ANKRD31: variants seen among roughly 807,000 people sequenced by gnomAD.
The protein encoded by ANKRD31 is ankyrin repeat domain 31.
ANKRD31 carries 147 observed loss-of-function variants against 186.0 expected under a neutral mutation model. The observed-to-expected ratio is 0.79, with a 90% CI of 0.69 to 0.91. ANKRD31 has a LOEUF of 0.91. ANKRD31 is among the 40% of genes least tolerant of loss of function. The pLI, the probability that ANKRD31 is intolerant of heterozygous loss-of-function variation, is 0.00. For synonymous variants in ANKRD31, 673 were observed against 736.4 expected (o/e 0.91, Z 1.39); for missense variants, 1,986 against 2,148.8 (o/e 0.92, Z 1.50).
intron 11 of ANKRD31, among the ~76,000 whole-genome samples, chr5:75,163,638 C>A (rs536099460): frequency 1.3e-5 from 2 of 152,142 alleles, no homozygotes; most frequent in South Asian, 4.1e-4. Context: ...TCTGATTTTT[C>A]GGTTAGGGAT....
intron 22 of ANKRD31, among the ~76,000 whole-genome samples, chr5:75,098,202 C>T (rs1025108348): frequency 4.6e-5 from 7 of 151,930 alleles, no homozygotes; most frequent in Non-Finnish European, 8.8e-5. Context: ...ACTGTGTTAG[C>T]CAGGATGGTC....
chr5:75,187,150 T>G (rs1320032163), intron 10 of ANKRD31, among the ~76,000 whole-genome samples: 2 of 91,688 alleles, frequency 2.2e-5, no homozygotes, highest in Non-Finnish European at 4.1e-5. Context: ...GTGTGTGTGT[T>G]TTGGGAGGTG....
intron 24 of ANKRD31, among the ~76,000 whole-genome samples, chr5:75,081,802 C>A (rs1200558692): frequency 6.6e-6 from 1 of 151,972 alleles, no homozygotes; most frequent in Non-Finnish European, 1.5e-5. Flanking sequence ...ATTCCAATTC[C>A]ACCCTCAGGA....
rs377155111 is a variant in ANKRD31 at position 75,146,230 on chromosome 5, A to G, written c.3181T>C (p.Cys1061Arg). 1.5e-5 allele frequency: 23 copies of G among 1,536,402 alleles called. No individual in the cohort carries two copies. The East Asian group carries it at 4.4e-4, about 29-fold the overall frequency. Reference protein sequence around the residue: ...THIVEKMAKNCDTERNYIDRD... With the variant: ...THIVEKMAKNRDTERNYIDRD... ...TCAATGTAATTCCTCTCAGTGTCAC[A>G]ATTCTTTGCCATCTTTTCCACAATA... The change falls in exon 14 of 26, where the codon TGT (cysteine) becomes CGT (arginine). Residue 1061 changes from cysteine (C) to arginine (R), a missense_variant. Coordinates refer to ENST00000506364, the MANE Select transcript of ANKRD31 (RefSeq NM_001372053.1).
chr5:75,152,539 T>C (rs973267872), intron 12 of ANKRD31, among the ~76,000 whole-genome samples: 6 of 152,068 alleles, frequency 3.9e-5, no homozygotes, highest in Admixed American at 2.6e-4. Flanking sequence ...GGATTTTTTT[T>C]CATTAAAATA....
intron 24 of ANKRD31, among the ~76,000 whole-genome samples, 195 bp downstream of exon 24, chr5:75,084,077 A>T (rs1315794967): frequency 1.3e-5 from 2 of 152,172 alleles, no homozygotes; most frequent in Admixed American, 6.5e-5. Context: ...GTGTTTTAGA[A>T]TTATATAGAG....
chr5:75,167,686 T>C (rs542570990), intron 11 of ANKRD31, among the ~76,000 whole-genome samples: 1 of 152,308 alleles, frequency 6.6e-6, no homozygotes, highest in South Asian at 2.1e-4. Flanking sequence ...CAGAGATTAT[T>C]TCATATATGC....
At chr5:75,105,867 G>C (rs1747293647) in intron 21 of ANKRD31, among the ~76,000 whole-genome samples, 1 of 152,088 alleles carries the variant, frequency 6.6e-6, no homozygotes. Context: ...AATTTCTCAA[G>C]ACCTTGAGGA....
chr5:75,069,023 G>A (rs753618365), intron 25 of ANKRD31, among the ~76,000 whole-genome samples: 1 of 152,144 alleles, frequency 6.6e-6, no homozygotes, highest in South Asian at 2.1e-4. Flanking sequence ...ATACCGCCGG[G>A]CATATAGCAA....
At chr5:75,136,459 A>G (rs1195722770) in intron 17 of ANKRD31, among the ~76,000 whole-genome samples, 2 of 152,326 alleles carry the variant, frequency 1.3e-5, no homozygotes, top group South Asian at 2.1e-4. Flanking sequence ...CAAAACCACA[A>G]TGAGTTACCA....
intron 22 of ANKRD31, among the ~76,000 whole-genome samples, chr5:75,100,522 G>T (rs1746756831): frequency 6.6e-6 from 1 of 152,240 alleles, no homozygotes; most frequent in Admixed American, 6.5e-5. Context: ...TGACAGTGGG[G>T]TGTTAAAGTC....
chr5:75,174,515 A>C (rs1174781934), intron 10 of ANKRD31, among the ~76,000 whole-genome samples: 2 of 152,242 alleles, frequency 1.3e-5, no homozygotes, highest in Non-Finnish European at 2.9e-5. Context: ...CAGAATCTAC[A>C]AGGAACTTAG....
rs895946109 is a variant in ANKRD31 at position 75,095,995 on chromosome 5, G to A, written c.5332-4594C>T. Among the ~76,000 whole-genome samples, 8 of 152,218 alleles carry A rather than the reference G, an allele frequency of 5.3e-5. 1 individual carries two copies. The South Asian group carries it at 6.2e-4, about 12-fold the overall frequency. On this transcript the variant is annotated intron_variant, in intron 22 of 25. Transcript: ENST00000506364. ...TATAAACCAATTAGACTTAACAGGC[G>A]TCTATAGAAAACTTCACCTAACAAC... is the stretch of plus-strand genomic sequence containing the variant.
chr5:75,214,676 TTCTC>T, intron 3 of ANKRD31, among the ~76,000 whole-genome samples: 1 of 152,328 alleles, frequency 6.6e-6, no homozygotes, highest in Admixed American at 6.5e-5. Context: ...TTTTAACTGA[TTCTC>T]TCTCTGAATC....
At chr5:75,154,127 T>TAGA in intron 12 of ANKRD31, 74 bp downstream of exon 12, 1 of 1,266,222 alleles carries the variant, frequency 7.9e-7, no homozygotes, top group South Asian at 2.5e-5. Flanking sequence ...AAATTTAATT[T>TAGA]CTTTAATTCT....
rs375806707 is a variant in ANKRD31 at position 75,232,980 on chromosome 5, GTTACT to G, written c.105-2350_105-2346del. 2.8e-4 allele frequency among the ~76,000 whole-genome samples: 43 copies of G among 151,876 alleles called. No homozygotes were observed. The South Asian group carries it at 8.1e-3, about 29-fold the overall frequency. On this transcript the variant is annotated intron_variant, in intron 1 of 25. Coordinates refer to ENST00000506364, the MANE Select transcript of ANKRD31 (RefSeq NM_001372053.1). ...TCCTTTAGCCTCCCTACATAATTTA[GTTACT>G]TTTCCACAACTGCCTCTCTTTGTTT...
At chr5:75,087,494 G>A (rs866151556) in intron 23 of ANKRD31, among the ~76,000 whole-genome samples, 12 of 151,552 alleles carry the variant, frequency 7.9e-5, no homozygotes, top group Admixed American at 1.3e-4. Context: ...GCAAGACAGC[G>A]AGACTCTGGC....
In ANKRD31 at chr5:75,084,474, T is replaced by C. The variant is rs369608271; in HGVS notation, c.5473-100A>G. 6.4e-4 allele frequency: 607 copies of C among 943,634 alleles called. 8 individuals are homozygous for C. The South Asian group carries it at 8.8e-3, about 14-fold the overall frequency. 58.5% of individuals were successfully genotyped at this position (943,634 alleles called of 1,614,324 possible). A position where few individuals can be genotyped will look rare whatever the true frequency, so the allele number is the denominator to read the frequency against. On this transcript the variant is annotated intron_variant, in intron 23 of 25. Transcript: ENST00000506364. The stretch of plus-strand genomic sequence containing the variant: ...GTAATTTTTATAAGGTTTTGATTGT[T>C]GTATGTTGTGGATTAGCAAGCTTCA...
At chr5:75,223,163 G>C (rs1757409961) in intron 2 of ANKRD31, among the ~76,000 whole-genome samples, 1 of 152,036 alleles carries the variant, frequency 6.6e-6, no homozygotes, top group Non-Finnish European at 1.5e-5. Flanking sequence ...GTATCTCCTT[G>C]TGGTTTTAAT....
Sources: allele counts gnomAD v4.1 joint callset (sites outside exome capture counted in the v4.1 genomes callset), GRCh38; gene constraint gnomAD v4.1.1; transcripts MANE v1.5; gene names NCBI Gene and HGNC (gene_info 2026-07-23, HGNC 2026-07-21).